Variants in DOCK8 observed in about 807,000 individuals in gnomAD.
DOCK8 encodes dedicator of cytokinesis protein 8.
In DOCK8, 141 loss-of-function variants were observed where a neutral mutation model predicts 245.6. The ratio of observed to expected loss-of-function variants is 0.57; its 90% CI spans 0.50 to 0.66. DOCK8 has a LOEUF of 0.66. Ranked by LOEUF, DOCK8 falls within the 30% of genes least tolerant of loss-of-function variation. The pLI is 0.00. For synonymous variants in DOCK8, 1,168 were observed against 970.2 expected (o/e 1.20, Z -3.79); for missense variants, 2,965 against 2,603.4 (o/e 1.14, Z -3.02).
intron 15 of DOCK8, 47 bp downstream of exon 15, chr9:368,182 AC>A: frequency 3.4e-6 from 5 of 1,474,138 alleles, no homozygotes; most frequent in Non-Finnish European, 4.8e-6. Context: ...TGGGCTGCTC[AC>A]CCCTGTCACT....
chr9:298,289 G>A (rs1424365933), intron 4 of DOCK8, among the ~76,000 whole-genome samples: 1 of 152,146 alleles, frequency 6.6e-6, no homozygotes, highest in Admixed American at 6.5e-5. Flanking sequence ...GCTGGGTACG[G>A]TGGCGCATGC....
At chr9:298,643 G>GTGTGTT (rs1246073647) in intron 4 of DOCK8, among the ~76,000 whole-genome samples, 1 of 151,870 alleles carries the variant, frequency 6.6e-6, no homozygotes, top group African/African-American at 2.4e-5. Flanking sequence ...GTGTGTGTGT[G>GTGTGTT]TGTGTGTGTG....
intron 21 of DOCK8, among the ~76,000 whole-genome samples, chr9:382,053 T>G (rs2053740916): frequency 6.6e-6 from 1 of 152,188 alleles, no homozygotes; most frequent in Non-Finnish European, 1.5e-5. Flanking sequence ...CAGTGCTGTA[T>G]ACATCATATA....
chr9:429,641 C>T (rs2056635278), intron 35 of DOCK8, 61 bp from the exon 36 acceptor site: 13 of 1,594,702 alleles, frequency 8.2e-6, no homozygotes, highest in Middle Eastern at 1.8e-4. Flanking sequence ...CATATTTCAA[C>T]GGTCCAGAAA....
intron 46 of DOCK8, among the ~76,000 whole-genome samples, chr9:462,318 A>G (rs1241215794): frequency 6.6e-6 from 1 of 152,224 alleles, no homozygotes; most frequent in Non-Finnish European, 1.5e-5. Flanking sequence ...AGGAATGTAC[A>G]TTTGTAACTT....
chr9:312,675 G>T, intron 6 of DOCK8: 1 of 340,996 alleles, frequency 2.9e-6, no homozygotes, highest in East Asian at 8.0e-5. Context: ...AGAACTTTGG[G>T]ATCTTGATTG....
At chr9:278,985 G>A (rs2048465309) in intron 2 of DOCK8, among the ~76,000 whole-genome samples, 1 of 152,208 alleles carries the variant, frequency 6.6e-6, no homozygotes, top group Admixed American at 6.5e-5. Context: ...TTAGGAAGAT[G>A]TCACGGTAAC....
intron 22 of DOCK8, among the ~76,000 whole-genome samples, chr9:385,639 C>T (rs2053920925): frequency 6.6e-6 from 1 of 152,130 alleles, no homozygotes; most frequent in Non-Finnish European, 1.5e-5. Context: ...ATTTGTGGCA[C>T]AAAAATTGGC....
At chr9:231,255 G>T (rs1818743604) in intron 1 of DOCK8, among the ~76,000 whole-genome samples, 1 of 152,028 alleles carries the variant, frequency 6.6e-6, no homozygotes, top group South Asian at 2.1e-4. Context: ...TGTTCCATTG[G>T]TCTGTATCTC....
At chr9:445,203 C>A (rs1407217989) in intron 43 of DOCK8, among the ~76,000 whole-genome samples, 1 of 152,214 alleles carries the variant, frequency 6.6e-6, no homozygotes, top group Non-Finnish European at 1.5e-5. Context: ...ATAGCACAAG[C>A]TGTGTAAAAT....
upstream of DOCK8, chr9:214,671 G>T (rs762770893): frequency 2.5e-6 from 4 of 1,594,930 alleles, no homozygotes; most frequent in East Asian, 9.1e-5. Context: ...GGAGGTCGGC[G>T]GCCCCGGGCA....
In DOCK8 at chr9:285,727, C is replaced by T. The variant is rs535627618; in HGVS notation, c.157-734C>T. ...AATTTCTATTATTTCTTTTACTCCC[C>T]CTCTTTCCAACTGTGGAAGGTAAAA... On this transcript the variant is annotated intron_variant, in intron 2 of 47. Coordinates refer to ENST00000432829, the MANE Select transcript of DOCK8 (RefSeq NM_203447.4). Among the ~76,000 whole-genome samples the T allele has an allele frequency of 1.3e-4, 20 of 152,116 alleles. No individual in the cohort carries two copies. The East Asian group carries it at 3.3e-3, about 25-fold the overall frequency.
intron 1 of DOCK8, among the ~76,000 whole-genome samples, chr9:238,142 G>T (rs894234067): frequency 2.0e-5 from 3 of 152,294 alleles, no homozygotes; most frequent in African/African-American, 7.2e-5. Flanking sequence ...CATGTTGGCA[G>T]TTGTTTTAAT....
chr9:427,246 G>T (rs1223321638), intron 34 of DOCK8, among the ~76,000 whole-genome samples: 1 of 152,168 alleles, frequency 6.6e-6, no homozygotes, highest in Non-Finnish European at 1.5e-5. Context: ...TTAAATCTGT[G>T]TGAGTATGTA....
chr9:277,172 A>G (rs2130077592), intron 2 of DOCK8: 1 of 156,828 alleles, frequency 6.4e-6, no homozygotes, highest in African/African-American at 2.4e-5. Flanking sequence ...TAATCCCAAC[A>G]ATTTGGGAGG....
intron 1 of DOCK8, chr9:268,279 G>C (rs1275554570): frequency 6.6e-6 from 1 of 152,202 alleles, no homozygotes; most frequent in Non-Finnish European, 1.5e-5. Context: ...TGATTCTGTA[G>C]GGAGAGAAAA....
Position 449,827 on chromosome 9 carries a change from A to G in DOCK8, c.5861A>G (p.Lys1954Arg). 1 of 1,613,454 alleles carries G rather than the reference A, an allele frequency of 6.2e-7. No homozygotes were observed. The highest frequency in any genetic ancestry group is 8.5e-7 in the Non-Finnish European group (1 of 1,180,036). Reference protein sequence around the residue: ...PIEVAIEDMKKKTLQLAVAIN... With the variant: ...PIEVAIEDMKRKTLQLAVAIN... ...GAAGTTGCCATTGAAGACATGAAGA[A>G]GAAGACCCTGCAGTTAGCAGTTGCC... is the stretch of plus-strand genomic sequence containing the variant. The change falls in exon 45 of 48, where the codon AAG becomes AGG. Residue 1954 changes from lysine (K) to arginine (R), a missense_variant. Coordinates refer to ENST00000432829, the MANE Select transcript of DOCK8 (RefSeq NM_203447.4).
At chr9:318,838 A>G (rs1421635695) in intron 7 of DOCK8, among the ~76,000 whole-genome samples, 1 of 152,228 alleles carries the variant, frequency 6.6e-6, no homozygotes, top group Non-Finnish European at 1.5e-5. Flanking sequence ...AGGATGCATC[A>G]TCAGGCTACT....
intron 1 of DOCK8, among the ~76,000 whole-genome samples, chr9:263,840 G>A (rs2047978274): frequency 6.6e-6 from 1 of 152,152 alleles, no homozygotes; most frequent in Non-Finnish European, 1.5e-5. Flanking sequence ...ATTACACTTT[G>A]AAGATAATGT....
Sources: allele counts gnomAD v4.1 joint callset (sites outside exome capture counted in the v4.1 genomes callset), GRCh38; gene constraint gnomAD v4.1.1; transcripts MANE v1.5; gene names NCBI Gene and HGNC (gene_info 2026-07-23, HGNC 2026-07-21).